ADGRL2: variants seen among roughly 807,000 people sequenced by gnomAD.
The protein encoded by ADGRL2 is adhesion G protein-coupled receptor L2, also known as calcium-independent alpha-latrotoxin receptor 2.
Under a neutral mutation model 157.4 loss-of-function variants are expected in ADGRL2, and 44 were observed. The ratio of observed to expected loss-of-function variants is 0.28; its 90% CI spans 0.22 to 0.36. The LOEUF (loss-of-function observed/expected upper bound fraction) is 0.36, where lower values mean the gene tolerates loss of function less well. ADGRL2 is among the 10% of genes least tolerant of loss of function. The pLI, the probability that ADGRL2 is intolerant of heterozygous loss-of-function variation, is 1.00. For missense variants in ADGRL2, 1,510 were observed against 1,768.9 expected, an observed-to-expected ratio of 0.85 and a Z score of 2.63; for synonymous variants, 585 against 624.7, an observed-to-expected ratio of 0.94 and a Z score of 0.95.
At chr1:81,574,755 A>G (rs1360641730) in intron 2 of ADGRL2, among the ~76,000 whole-genome samples, 2 of 152,192 alleles carry the variant, frequency 1.3e-5, no homozygotes, top group African/African-American at 2.4e-5. Context: ...TTGAATAGTA[A>G]CAGCTTTCAC....
rs753022547 is a variant in ADGRL2, at chr1:81,971,986, A to AT, written c.3021+71dup. 3 of 956,846 alleles carry AT rather than the reference A, an allele frequency of 3.1e-6. No homozygotes were observed. The East Asian group carries it at 7.4e-5, about 24-fold the overall frequency. The allele number at this position is 956,846 out of a possible 1,614,324, so 59.3% of individuals were successfully genotyped here. On this transcript the variant is annotated intron_variant, in intron 17 of 23. Transcript: ENST00000686636. ...TAGCAGTGCTATTCAAACAAGGATAATTTGTTTTATTGTTTGTTTATCTAT... is the reference window on the plus strand; with the variant it reads ...TAGCAGTGCTATTCAAACAAGGATAATTTTGTTTTATTGTTTGTTTATCTAT...
At chr1:81,688,116 T>G (rs557407023) in intron 3 of ADGRL2, among the ~76,000 whole-genome samples, 3 of 152,314 alleles carry the variant, frequency 2.0e-5, no homozygotes, top group African/African-American at 7.2e-5. Context: ...TTCCTTTGTC[T>G]TAACTTTGGA....
chr1:81,943,730 C>T lies in ADGRL2; in HGVS notation c.1171C>T (p.Arg391Ter). Residue 391 changes from arginine (R) to a stop codon, truncating the protein, a stop_gained, in exon 6 of 24, where the codon CGA (arginine) becomes TGA (stop). Coordinates refer to ENST00000686636, the MANE Select transcript of ADGRL2 (RefSeq NM_001366006.2). LOFTEE classifies it high-confidence loss of function. This position sits in a 1 kb window ranked among gnomAD's most constrained non-coding sequence, Gnocchi z 5.6. ...LYVWNNNFIL[R>*]YSLEFGPPDP... ...CGTGTGGAACAATAACTTCATTTTACGATATTCTCTGGAGTTTGGTCCACC... is the reference window on the plus strand; with the variant it reads ...CGTGTGGAACAATAACTTCATTTTATGATATTCTCTGGAGTTTGGTCCACC... The T allele has an allele frequency of 6.2e-7, 1 of 1,613,374 alleles. No homozygotes were observed. Among genetic ancestry groups the T allele is most frequent in the Non-Finnish European group, 8.5e-7 (1 of 1,179,484 alleles).
chr1:81,501,833 C>T, intron 2 of ADGRL2: 1 of 1,589,036 alleles, frequency 6.3e-7, no homozygotes, highest in South Asian at 1.1e-5. Flanking sequence ...ACAGAAGCAG[C>T]CACACCTGGC....
chr1:81,570,628 A>C (rs1291664691), intron 2 of ADGRL2, among the ~76,000 whole-genome samples: 1 of 152,088 alleles, frequency 6.6e-6, no homozygotes, highest in Non-Finnish European at 1.5e-5. Context: ...ACCTCGGGTG[A>C]TCTTCCTGCT....
chr1:81,958,767 T>C (rs1420608037), intron 11 of ADGRL2, among the ~76,000 whole-genome samples: 2 of 152,250 alleles, frequency 1.3e-5, no homozygotes, highest in East Asian at 1.9e-4. Flanking sequence ...CCCTTCATGC[T>C]CCTTTGCAGT....
At chr1:81,445,977 T>C (rs2077590104) in intron 2 of ADGRL2, among the ~76,000 whole-genome samples, 1 of 152,206 alleles carries the variant, frequency 6.6e-6, no homozygotes, top group African/African-American at 2.4e-5. Context: ...TCACTAAATC[T>C]CTATTTTTCA....
intron 1 of ADGRL2, among the ~76,000 whole-genome samples, chr1:81,419,136 T>C (rs1050236743): frequency 1.3e-5 from 2 of 151,680 alleles, no homozygotes; most frequent in South Asian, 2.1e-4. Flanking sequence ...AAGTGGAGCA[T>C]ATTTGTACTT....
At position 81,993,087 on chromosome 1, in the gene ADGRL2, A is replaced by ATTTTT. The variant is rs71085382; in HGVS notation, c.*1970_*1974dup. On this transcript the variant is annotated 3_prime_UTR_variant, in exon 24 of 24. Coordinates refer to ENST00000686636, the MANE Select transcript of ADGRL2 (RefSeq NM_001366006.2). ...TATATATATATATATATATATATAT[A>ATTTTT]TTTTTTTTTTTTTTTTTTTTTTTTT... 1.7e-4 allele frequency among the ~76,000 whole-genome samples: 5 copies of ATTTTT among 29,198 alleles called. 1 individual carries two copies. Among genetic ancestry groups the ATTTTT allele is most frequent in the South Asian group, 1.2e-3 (1 of 818 alleles). 19.2% of individuals were successfully genotyped at this position (29,198 alleles called of 152,430 possible).
chr1:81,428,443 G>T (rs1218818474), intron 1 of ADGRL2, among the ~76,000 whole-genome samples: 1 of 152,184 alleles, frequency 6.6e-6, no homozygotes, highest in South Asian at 2.1e-4. Flanking sequence ...AAGAATTTGA[G>T]CCTATAAGAC....
chr1:81,751,975 T>G (rs534380982), intron 1 of ADGRL2, among the ~76,000 whole-genome samples: 8 of 152,322 alleles, frequency 5.3e-5, no homozygotes, highest in Non-Finnish European at 1.0e-4. Context: ...AGAAAAGTCT[T>G]TTACATGTTA....
At chr1:81,472,271 T>A (rs1360683613) in intron 2 of ADGRL2, among the ~76,000 whole-genome samples, 2 of 152,232 alleles carry the variant, frequency 1.3e-5, no homozygotes, top group Admixed American at 6.5e-5. Context: ...ATTGAACCTA[T>A]CTGTTTATTT....
chr1:81,846,676 T>G (rs534512195), intron 2 of ADGRL2, among the ~76,000 whole-genome samples: 29 of 152,026 alleles, frequency 1.9e-4, no homozygotes, highest in Non-Finnish European at 3.2e-4. Flanking sequence ...CATTAATTAG[T>G]TCTCTTTTCC....
At chr1:81,777,185 T>G (rs962126951) in intron 2 of ADGRL2, among the ~76,000 whole-genome samples, 4 of 152,360 alleles carry the variant, frequency 2.6e-5, no homozygotes, top group African/African-American at 4.8e-5. Context: ...CATGGTAATC[T>G]AAACAATTTG....
chr1:81,748,300 A>T (rs1226542637), intron 1 of ADGRL2, among the ~76,000 whole-genome samples: 1 of 151,894 alleles, frequency 6.6e-6, no homozygotes, highest in Non-Finnish European at 1.5e-5. Flanking sequence ...AACATGGGGA[A>T]ATCCCGTCTC....
At chr1:81,627,486 G>A (rs955126720) in intron 3 of ADGRL2, among the ~76,000 whole-genome samples, 6 of 152,008 alleles carry the variant, frequency 3.9e-5, no homozygotes, top group Non-Finnish European at 8.8e-5. Context: ...TTTACTGAGA[G>A]TTTACTATGT....
intron 2 of ADGRL2, among the ~76,000 whole-genome samples, chr1:81,548,894 C>CA (rs2148372077): frequency 6.6e-6 from 1 of 152,206 alleles, no homozygotes; most frequent in Admixed American, 6.5e-5. Context: ...AGTGACATTT[C>CA]AAAAAACAGA....
chr1:81,671,831 A>T (rs963271846), intron 3 of ADGRL2, among the ~76,000 whole-genome samples: 1 of 152,194 alleles, frequency 6.6e-6, no homozygotes, highest in African/African-American at 2.4e-5. Context: ...CTGAAATTCT[A>T]ATGAGCTCTC....
intron 1 of ADGRL2, among the ~76,000 whole-genome samples, chr1:81,824,979 C>CTCTCTCTCTCTG (rs1553162253): frequency 6.6e-6 from 1 of 151,686 alleles, no homozygotes; most frequent in African/African-American, 2.4e-5. Flanking sequence ...CTCTCTCTCT[C>CTCTCTCTCTCTG]TCTGTCTTTC....
Sources: gnomAD v4.1 joint callset for allele counts (sites outside exome capture counted in the v4.1 genomes callset) on GRCh38, gnomAD v4.1.1 for gene constraint, Gnocchi (gnomAD v3.1) non-coding constraint, MANE v1.5 for transcripts, NCBI Gene and HGNC (gene_info 2026-07-23, HGNC 2026-07-21) for gene names.